The following SRP68 variants were observed in gnomAD, a reference collection of about 807,000 sequenced individuals.
SRP68 encodes signal recognition particle subunit SRP68.
Under a neutral mutation model 82.2 loss-of-function variants are expected in SRP68, and 15 were observed. That is an observed-to-expected ratio of 0.18 (90% CI 0.12 to 0.28). SRP68 has a LOEUF of 0.28. Ranked by LOEUF, SRP68 falls within the 10% of genes least tolerant of loss-of-function variation. SRP68 has a pLI of 1.00. For synonymous variants in SRP68, 261 were observed against 292.6 expected, an observed-to-expected ratio of 0.89 and a Z score of 1.10; for missense variants, 595 against 780.5, an observed-to-expected ratio of 0.76 and a Z score of 2.83.
intron 2 of SRP68, among the ~76,000 whole-genome samples, chr17:76,069,394 AT>A (rs1184494925): frequency 6.6e-6 from 1 of 151,826 alleles, no homozygotes; most frequent in Non-Finnish European, 1.5e-5. Context: ...TCTCAAAAAA[AT>A]AAGTAAATAA....
Position 76,039,508 on chromosome 17 carries a change from A to T in SRP68, c.*198T>A. On this transcript the variant is annotated 3_prime_UTR_variant, in exon 16 of 16. Transcript: ENST00000307877. Reference sequence around the variant, plus strand: ...CAGGATGACCCTGCACACATTTACCAGAAGACAACAGGGTGCTCTCCTGAC... The same window carrying T: ...CAGGATGACCCTGCACACATTTACCTGAAGACAACAGGGTGCTCTCCTGAC... The T allele has an allele frequency of 1.5e-6, 1 of 651,824 alleles. No individual in the cohort carries two copies. Among genetic ancestry groups the T allele is most frequent in the South Asian group, 1.7e-5 (1 of 57,882 alleles). The allele number at this position is 651,824 out of a possible 1,614,324, so 40.4% of individuals were successfully genotyped here.
chr17:76,051,920 G>A (rs1555628246), intron 8 of SRP68, among the ~76,000 whole-genome samples: 1 of 152,172 alleles, frequency 6.6e-6, no homozygotes, highest in Non-Finnish European at 1.5e-5. Flanking sequence ...ATTATTTTAT[G>A]TTTTTGAGAC....
chr17:76,061,617 C>T (rs1443725302), intron 4 of SRP68, 43 bp from the exon 5 acceptor site: 3 of 1,503,684 alleles, frequency 2.0e-6, no homozygotes, highest in East Asian at 2.3e-5. Flanking sequence ...AACAGCAAAC[C>T]AGTGCTCCCA....
intron 12 of SRP68, 97 bp from the exon 13 acceptor site, chr17:76,044,055 C>G (rs2066611613): frequency 2.1e-6 from 3 of 1,429,428 alleles, no homozygotes; most frequent in Non-Finnish European, 1.9e-6. Context: ...CATTTGGAAA[C>G]AGGTTTCTTA....
intron 8 of SRP68, chr17:76,053,638 A>G (rs998794475): frequency 5.2e-5 from 51 of 985,390 alleles, no homozygotes; most frequent in Middle Eastern, 5.2e-4. Flanking sequence ...CATCCTAAAA[A>G]GCAATGAAGG....
In SRP68 at chr17:76,046,089, C is replaced by T; in HGVS notation, c.1248G>A (p.Lys416=). The part of the protein sequence containing the change: ...LLQQQPEDDS[K]RSPRPQDLIR... ...TCAGGTCCTGGGGCCGGGGTGAGCG[C>T]TTGCTGTCATCCTCTGGCTGCTGCT... The change falls in exon 11 of 16, where the codon AAG becomes AAA. Residue 416 remains lysine (K), a synonymous_variant. Transcript: ENST00000307877. 1 of 1,613,946 alleles carries T rather than the reference C, an allele frequency of 6.2e-7. No homozygotes were observed. Among genetic ancestry groups the T allele is most frequent in the Non-Finnish European group, 8.5e-7 (1 of 1,179,876 alleles).
intron 12 of SRP68, 66 bp downstream of exon 12, chr17:76,045,226 G>C (rs948536417): frequency 6.2e-6 from 8 of 1,280,044 alleles, no homozygotes; most frequent in South Asian, 2.4e-5. Context: ...TGTGGGCTGG[G>C]TCATGCTCCC....
chr17:76,069,135 C>T (rs1280361491), intron 2 of SRP68, among the ~76,000 whole-genome samples: 2 of 152,084 alleles, frequency 1.3e-5, no homozygotes, highest in Middle Eastern at 3.4e-3. Flanking sequence ...CGCCTGTAAT[C>T]CTAGCACTTT....
rs554886763 is a variant in SRP68, at chr17:76,064,605, C to T, written c.366-434G>A. Reference sequence around the variant, plus strand: ...CCTATAATCCCAGCACTTTGGGAGGCTGAGCCAGGCATATCACCTGAGGTC... The same window carrying T: ...CCTATAATCCCAGCACTTTGGGAGGTTGAGCCAGGCATATCACCTGAGGTC... On this transcript the variant is annotated intron_variant, in intron 3 of 15. Transcript: ENST00000307877. Among the ~76,000 whole-genome samples the T allele has an allele frequency of 4.6e-5, 7 of 152,162 alleles. No homozygotes were observed. In the South Asian group the frequency reaches 1.5e-3, roughly 32 times the overall value.
At chr17:76,050,980 G>A (rs552438283) in intron 8 of SRP68, among the ~76,000 whole-genome samples, 5 of 152,170 alleles carry the variant, frequency 3.3e-5, no homozygotes, top group Admixed American at 2.0e-4. Flanking sequence ...AAGCTCTACT[G>A]TATGCCAACA....
chr17:76,064,773 G>A (rs1053696923), intron 3 of SRP68, among the ~76,000 whole-genome samples: 3 of 150,816 alleles, frequency 2.0e-5, no homozygotes, highest in Admixed American at 6.6e-5. Context: ...CCGAGGAGGC[G>A]GAGGTTGCAG....
Position 76,057,920 on chromosome 17 carries a change from T to C in SRP68, c.838-377A>G, listed in dbSNP as rs1432142913. On this transcript the variant is annotated intron_variant, in intron 7 of 15. Coordinates refer to ENST00000307877, the MANE Select transcript of SRP68 (RefSeq NM_014230.4). ...AAACTCCTGGCCTCAAGTGATCCAC[T>C]TGCCTCAGCCTCCCAAAGTGCTGGG... Among the ~76,000 whole-genome samples the C allele has an allele frequency of 3.9e-5, 6 of 152,134 alleles. No homozygotes were observed. In the East Asian group the frequency reaches 7.8e-4, roughly 20 times the overall value.
chr17:76,043,894 C>A lies in SRP68; in HGVS notation c.1459G>T (p.Asp487Tyr). ...KKWSEALVLY[D>Y]RVLKYANEVN... ...TCATTTGCATATTTCAGGACTCTGT[C>A]ATACAGGACAAGGGCTTCGCTCCAC... The change falls in exon 13 of 16, where the codon GAC becomes TAC. Residue 487 changes from aspartate to tyrosine, a missense_variant. Transcript: ENST00000307877. The A allele has an allele frequency of 6.2e-7, 1 of 1,611,848 alleles. No individual in the cohort carries two copies. The highest frequency in any genetic ancestry group is 1.1e-5 in the South Asian group (1 of 90,678).
intron 13 of SRP68, chr17:76,041,214 A>C: frequency 9.4e-6 from 4 of 425,302 alleles, no homozygotes; most frequent in Non-Finnish European, 1.7e-5. Context: ...TAATATTAAT[A>C]AATTTATCAT....
At chr17:76,056,698 G>C (rs2066716077) in intron 8 of SRP68, among the ~76,000 whole-genome samples, 1 of 152,106 alleles carries the variant, frequency 6.6e-6, no homozygotes, top group East Asian at 1.9e-4. Context: ...AATTATTCAG[G>C]GTGCAAAAGA....
chr17:76,045,418 A>T, intron 11 of SRP68, 32 bp from the exon 12 acceptor site: 1 of 1,509,296 alleles, frequency 6.6e-7, no homozygotes, highest in Non-Finnish European at 9.2e-7. Context: ...AAAATTCATG[A>T]AGAGTAGATC....
intron 7 of SRP68, among the ~76,000 whole-genome samples, chr17:76,057,870 T>A (rs1054819583): frequency 2.6e-5 from 4 of 152,212 alleles, no homozygotes; most frequent in African/African-American, 9.6e-5. Context: ...AGACGAGGTT[T>A]CACCACGTTG....
chr17:76,059,159 G>A (rs1403537680), intron 7 of SRP68, among the ~76,000 whole-genome samples: 1 of 152,200 alleles, frequency 6.6e-6, no homozygotes, highest in Non-Finnish European at 1.5e-5. Flanking sequence ...TGAGGCAGGA[G>A]GATCACTTGA....
chr17:76,062,757 ATATATAT>A (rs2066775969), intron 4 of SRP68, among the ~76,000 whole-genome samples: 1 of 73,658 alleles, frequency 1.4e-5, no homozygotes, highest in Non-Finnish European at 2.4e-5. Context: ...ATATATATAT[ATATATAT>A]AAAATATATA....
Sources: gnomAD v4.1 joint callset for allele counts (sites outside exome capture counted in the v4.1 genomes callset) on GRCh38, gnomAD v4.1.1 for gene constraint, MANE v1.5 for transcripts, NCBI Gene and HGNC (gene_info 2026-07-23, HGNC 2026-07-21) for gene names.